The following PTPRD variants were observed in gnomAD, a reference collection of about 807,000 sequenced individuals.
The protein encoded by PTPRD is receptor-type tyrosine-protein phosphatase delta.
PTPRD carries 34 observed loss-of-function variants against 214.5 expected under a neutral mutation model. The ratio of observed to expected loss-of-function variants is 0.16; its 90% CI spans 0.12 to 0.21. The LOEUF is 0.21. Ranked by LOEUF, PTPRD falls within the 10% of genes least tolerant of loss-of-function variation. The pLI is 1.00. For synonymous variants in PTPRD, 1,128 were observed against 845.7 expected (o/e 1.33, Z -5.79); for missense variants, 2,545 against 2,398.7 (o/e 1.06, Z -1.27).
intron 4 of PTPRD, among the ~76,000 whole-genome samples, chr9:9,950,931 A>C (rs1442305632): frequency 6.6e-6 from 1 of 152,170 alleles, no homozygotes; most frequent in Non-Finnish European, 1.5e-5. Context: ...AGGTTAAAGC[A>C]TTTGAAATCA....
At chr9:10,429,262 A>C (rs74612223) in intron 2 of PTPRD, among the ~76,000 whole-genome samples, 4,375 of 151,948 alleles carry the variant, frequency 0.029, 90 homozygotes, top group East Asian at 0.076. Flanking sequence ...GCCACTATGG[A>C]AAAAAAGTAT....
chr9:8,615,334 G>A (rs1450407415), intron 14 of PTPRD, among the ~76,000 whole-genome samples: 2 of 152,076 alleles, frequency 1.3e-5, no homozygotes, highest in Non-Finnish European at 2.9e-5. Context: ...TTCAAGGAGG[G>A]CATAGTAAGT....
chr9:10,027,358 G>A (rs2096944240), intron 4 of PTPRD, among the ~76,000 whole-genome samples: 1 of 152,138 alleles, frequency 6.6e-6, no homozygotes, highest in Non-Finnish European at 1.5e-5. Context: ...GACAGAATTT[G>A]ACCTTTTCCA....
At chr9:8,932,589 G>A (rs947785050) in intron 11 of PTPRD, among the ~76,000 whole-genome samples, 1 of 152,184 alleles carries the variant, frequency 6.6e-6, no homozygotes, top group African/African-American at 2.4e-5. Flanking sequence ...GGAATCTGGA[G>A]ATTCAGTCTG....
At chr9:10,459,782 T>C (rs1166805128) in intron 2 of PTPRD, among the ~76,000 whole-genome samples, 1 of 152,068 alleles carries the variant, frequency 6.6e-6, no homozygotes, top group Non-Finnish European at 1.5e-5. Context: ...TTAAGTTCCT[T>C]GTGGATTCTG....
In PTPRD at chr9:8,436,579, C is replaced by T. The variant is rs1276070186; in HGVS notation, c.4086+13G>A. On this transcript the variant is annotated intron_variant, in intron 35 of 45. Coordinates refer to ENST00000381196, the MANE Select transcript of PTPRD (RefSeq NM_002839.4). ...TCTTGAAATTACTGTAAAGAATAAA[C>T]ACAGTGAATTACCTCATATTCCTGG... 4 of 1,582,132 alleles carry T rather than the reference C, an allele frequency of 2.5e-6. No homozygotes were observed. The highest frequency in any genetic ancestry group is 1.7e-4 in the Middle Eastern group (1 of 5,984).
intron 14 of PTPRD, among the ~76,000 whole-genome samples, chr9:8,539,632 G>A (rs569288096): frequency 1.9e-4 from 29 of 152,084 alleles, no homozygotes; most frequent in Non-Finnish European, 4.0e-4. Flanking sequence ...TTCTTGTGCT[G>A]AGAAAAATAT....
At chr9:9,180,003 A>G (rs1441214398) in intron 10 of PTPRD, among the ~76,000 whole-genome samples, 1 of 152,106 alleles carries the variant, frequency 6.6e-6, no homozygotes, top group Non-Finnish European at 1.5e-5. Context: ...TAAACAAGAA[A>G]GCTCTTTTTT....
At chr9:9,900,641 G>GTGTTTTTTTGTTTTT (rs1555302232) in intron 5 of PTPRD, among the ~76,000 whole-genome samples, 33 of 120,106 alleles carry the variant, frequency 2.7e-4, no homozygotes, top group African/African-American at 1.0e-3. Flanking sequence ...ACATTTTCAG[G>GTGTTTTTTTGTTTTT]TTTTTTTTTT....
intron 2 of PTPRD, among the ~76,000 whole-genome samples, chr9:10,354,420 C>T (rs1374604106): frequency 6.6e-6 from 1 of 152,082 alleles, no homozygotes; most frequent in Non-Finnish European, 1.5e-5. Flanking sequence ...GTTCAAATTC[C>T]CAAATTCCAA....
chr9:10,570,405 T>C (rs1335899146), intron 2 of PTPRD, among the ~76,000 whole-genome samples: 1 of 152,132 alleles, frequency 6.6e-6, no homozygotes, highest in Non-Finnish European at 1.5e-5. Flanking sequence ...CAGGAGTGTG[T>C]TCTCTCTCTC....
chr9:8,439,924 G>T (rs1342710565), intron 34 of PTPRD, among the ~76,000 whole-genome samples: 1 of 101,170 alleles, frequency 9.9e-6, no homozygotes, highest in Non-Finnish European at 2.1e-5. Flanking sequence ...TAAATTACTT[G>T]ATGTGCTTTA....
At chr9:8,474,705 C>T (rs2135234075) in intron 30 of PTPRD, among the ~76,000 whole-genome samples, 1 of 152,220 alleles carries the variant, frequency 6.6e-6, no homozygotes, top group Non-Finnish European at 1.5e-5. Flanking sequence ...TTCAAACCAC[C>T]CCACTAGAAG....
At chr9:10,234,372 A>G (rs529386337) in intron 3 of PTPRD, among the ~76,000 whole-genome samples, 2 of 151,860 alleles carry the variant, frequency 1.3e-5, no homozygotes, top group Non-Finnish European at 2.9e-5. Context: ...TACTGGCCCT[A>G]AAACACCCAA....
At chr9:10,286,869 G>A (rs2095373206) in intron 3 of PTPRD, among the ~76,000 whole-genome samples, 1 of 152,142 alleles carries the variant, frequency 6.6e-6, no homozygotes, top group East Asian at 1.9e-4. Flanking sequence ...AAAGTGCTGA[G>A]ATTACAGGCA....
intron 9 of PTPRD, among the ~76,000 whole-genome samples, chr9:9,366,605 G>A (rs959622030): frequency 6.6e-6 from 1 of 151,322 alleles, no homozygotes; most frequent in African/African-American, 2.4e-5. Flanking sequence ...TTATAAAATG[G>A]CCATTAGTAA....
intron 14 of PTPRD, among the ~76,000 whole-genome samples, chr9:8,589,353 T>C (rs1304147831): frequency 6.6e-6 from 1 of 152,194 alleles, no homozygotes; most frequent in Admixed American, 6.5e-5. Context: ...ATACTCTAGA[T>C]ATGGTTCTCG....
At chr9:10,469,895 C>G (rs187930720) in intron 2 of PTPRD, among the ~76,000 whole-genome samples, 1 of 151,350 alleles carries the variant, frequency 6.6e-6, no homozygotes, top group East Asian at 1.9e-4. Flanking sequence ...GTGAAATAAC[C>G]CAGGCATTGA....
chr9:10,261,606 G>A (rs910689440), intron 3 of PTPRD, among the ~76,000 whole-genome samples: 2 of 152,022 alleles, frequency 1.3e-5, no homozygotes, highest in African/African-American at 2.4e-5. Context: ...AAGAAAGACT[G>A]TACTAGTATA....
Sources: allele counts gnomAD v4.1 joint callset (sites outside exome capture counted in the v4.1 genomes callset), GRCh38; gene constraint gnomAD v4.1.1; transcripts MANE v1.5; gene names NCBI Gene and HGNC (gene_info 2026-07-23, HGNC 2026-07-21).